The following SARNP variants were observed in gnomAD, a reference collection of about 807,000 sequenced individuals.
SARNP encodes SAP domain containing ribonucleoprotein, also known as SAP domain-containing ribonucleoprotein.
SARNP carries 5 observed loss-of-function variants against 38.1 expected under a neutral mutation model. That is an observed-to-expected ratio of 0.13 (90% CI 0.07 to 0.28). The LOEUF (loss-of-function observed/expected upper bound fraction) is 0.28. Ranked by LOEUF, SARNP falls within the 10% of genes least tolerant of loss-of-function variation. The pLI is 1.00. For synonymous variants in SARNP, 84 were observed against 80.6 expected, an observed-to-expected ratio of 1.04 and a Z score of -0.23; for missense variants, 180 against 243.9, an observed-to-expected ratio of 0.74 and a Z score of 1.75.
At chr12:55,768,353 C>A (rs1227476677) in intron 9 of SARNP, among the ~76,000 whole-genome samples, 1 of 151,884 alleles carries the variant, frequency 6.6e-6, no homozygotes, top group Non-Finnish European at 1.5e-5. Context: ...TGGTCTCGAA[C>A]TCCTGACCTC....
intron 1 of SARNP, among the ~76,000 whole-genome samples, chr12:55,806,415 T>C (rs148030351): frequency 8.0e-4 from 121 of 151,884 alleles, no homozygotes; most frequent in African/African-American, 2.8e-3. Flanking sequence ...GCTGGGATTA[T>C]AGGCATGTGC....
chr12:55,794,743 A>T, intron 6 of SARNP, 64 bp downstream of exon 6: 1 of 951,484 alleles, frequency 1.1e-6, no homozygotes, highest in Non-Finnish European at 1.7e-6. Flanking sequence ...CCTAAAAGCT[A>T]GGATCACACA....
intron 4 of SARNP, among the ~76,000 whole-genome samples, chr12:55,796,738 ATCC>A (rs1324050264): frequency 6.6e-6 from 1 of 151,994 alleles, no homozygotes; most frequent in Non-Finnish European, 1.5e-5. Context: ...TAACCCTCCA[ATCC>A]TCCTTTAAGT....
chr12:55,803,580 G>T, intron 2 of SARNP, 49 bp downstream of exon 2: 1 of 1,108,484 alleles, frequency 9.0e-7, no homozygotes, highest in Non-Finnish European at 1.3e-6. Flanking sequence ...CAGTGTCAAA[G>T]CCTGAAAATC....
At chr12:55,771,064 A>C (rs1233398551) in intron 9 of SARNP, among the ~76,000 whole-genome samples, 3 of 151,578 alleles carry the variant, frequency 2.0e-5, no homozygotes, top group African/African-American at 7.3e-5. Context: ...CAGCCTCCCA[A>C]GTAGCTGGGA....
intron 10 of SARNP, among the ~76,000 whole-genome samples, chr12:55,758,384 C>G (rs181067996): frequency 6.6e-6 from 1 of 152,172 alleles, no homozygotes; most frequent in African/African-American, 2.4e-5. Context: ...TGGTGGCTCA[C>G]GCCTGTAATC....
At chr12:55,754,332 G>A (rs1309523026), downstream of SARNP, 2 of 152,122 alleles carry the variant, frequency 1.3e-5, no homozygotes, top group African/African-American at 2.4e-5. Flanking sequence ...TCCTCCAACC[G>A]AAGGCATGGG....
chr12:55,778,578 A>T (rs1030726721), intron 9 of SARNP, among the ~76,000 whole-genome samples: 4 of 152,190 alleles, frequency 2.6e-5, no homozygotes, highest in African/African-American at 7.2e-5. Context: ...ATAGGATTAC[A>T]CGTTGTATCT....
At chr12:55,795,763 C>T (rs561715806) in intron 5 of SARNP, among the ~76,000 whole-genome samples, 2 of 152,282 alleles carry the variant, frequency 1.3e-5, no homozygotes, top group African/African-American at 4.8e-5. Context: ...AAATCTAATC[C>T]TAGGTTTGAA....
At chr12:55,791,777 A>C (rs10876851) in intron 7 of SARNP, among the ~76,000 whole-genome samples, 111,922 of 152,126 alleles carry the variant, frequency 0.74, 46,860 homozygotes, top group Non-Finnish European at 0.94. Flanking sequence ...TATCACCAAG[A>C]AACTAGCCAA....
chr12:55,810,433 C>G (rs573359648), intron 1 of SARNP, among the ~76,000 whole-genome samples: 45 of 151,374 alleles, frequency 3.0e-4, no homozygotes, highest in Non-Finnish European at 6.2e-4. Flanking sequence ...GTGATTTCTT[C>G]TAGTTAACTG....
chr12:55,773,822 C>G (rs572419432), intron 9 of SARNP, among the ~76,000 whole-genome samples: 1 of 152,244 alleles, frequency 6.6e-6, no homozygotes, highest in East Asian at 1.9e-4. Flanking sequence ...AGTGATTCTC[C>G]TGCCTCAGCC....
At chr12:55,810,100 T>C (rs1316331030) in intron 1 of SARNP, among the ~76,000 whole-genome samples, 1 of 152,206 alleles carries the variant, frequency 6.6e-6, no homozygotes, top group African/African-American at 2.4e-5. Flanking sequence ...TAATCATGCA[T>C]TGCCCTGTGA....
intron 6 of SARNP, 58 bp downstream of exon 6, chr12:55,794,749 A>G: frequency 1.0e-6 from 1 of 995,446 alleles, no homozygotes; most frequent in Non-Finnish European, 1.6e-6. Flanking sequence ...AGCTAGGATC[A>G]CACATCTTCA....
chr12:55,797,989 C>T (rs1216350779), intron 4 of SARNP, among the ~76,000 whole-genome samples: 1 of 152,220 alleles, frequency 6.6e-6, no homozygotes, highest in Admixed American at 6.5e-5. Flanking sequence ...TAATGAACTT[C>T]AAACTTTCGA....
intron 5 of SARNP, among the ~76,000 whole-genome samples, chr12:55,795,545 T>C (rs1357939470): frequency 6.6e-6 from 1 of 152,210 alleles, no homozygotes; most frequent in Non-Finnish European, 1.5e-5. Context: ...TTCTTTCAGT[T>C]AGAAATGAGG....
At chr12:55,766,249 TGAGAA>T (rs1878826238) in intron 9 of SARNP, among the ~76,000 whole-genome samples, 1 of 152,188 alleles carries the variant, frequency 6.6e-6, no homozygotes, top group South Asian at 2.1e-4. Flanking sequence ...TACTCCTGTG[TGAGAA>T]GAGAAGTGCT....
intron 1 of SARNP, among the ~76,000 whole-genome samples, chr12:55,816,179 G>C (rs557078279): frequency 1.3e-5 from 2 of 152,192 alleles, no homozygotes; most frequent in African/African-American, 4.8e-5. Flanking sequence ...CGGGCAGCTG[G>C]TGACTTACTC....
At chr12:55,808,885 A>C (rs1306497214) in intron 1 of SARNP, among the ~76,000 whole-genome samples, 1 of 152,242 alleles carries the variant, frequency 6.6e-6, no homozygotes, top group East Asian at 1.9e-4. Flanking sequence ...AAAACTTAAA[A>C]TAGGAACTAA....
Sources: allele counts gnomAD v4.1 joint callset (sites outside exome capture counted in the v4.1 genomes callset), GRCh38; gene constraint gnomAD v4.1.1; transcripts MANE v1.5; gene names NCBI Gene and HGNC (gene_info 2026-07-23, HGNC 2026-07-21).